The following MFSD8 variants were observed in gnomAD, a reference collection of about 807,000 sequenced individuals.
MFSD8 encodes major facilitator superfamily domain containing 8.
A neutral mutation model predicts 66.4 loss-of-function variants in MFSD8; 55 were observed. The observed-to-expected ratio is 0.83, with a 90% CI of 0.67 to 1.04. The LOEUF is 1.04. MFSD8 is among the 50% of genes least tolerant of loss of function. MFSD8 has a pLI of 0.00. For missense variants in MFSD8, 550 were observed against 627.6 expected (o/e 0.88, Z 1.32); for synonymous variants, 202 against 212.8 (o/e 0.95, Z 0.44).
intron 3 of MFSD8, among the ~76,000 whole-genome samples, chr4:127,948,327 G>A (rs553256156): frequency 2.0e-5 from 3 of 152,236 alleles, no homozygotes; most frequent in South Asian, 4.1e-4. Flanking sequence ...GTAATTAGCA[G>A]CTTCCTGATA....
intron 7 of MFSD8, among the ~76,000 whole-genome samples, chr4:127,936,534 T>C (rs1217915661): frequency 6.6e-6 from 1 of 152,058 alleles, no homozygotes; most frequent in Admixed American, 6.6e-5. Context: ...AAGGCCAGCC[T>C]GGACAATATG....
At chr4:127,964,784 G>C in intron 1 of MFSD8, 1 of 558,194 alleles carries the variant, frequency 1.8e-6, no homozygotes, top group Admixed American at 3.1e-5. Flanking sequence ...AGGACTGCCA[G>C]CACGCTGTCA....
intron 1 of MFSD8, 81 bp downstream of exon 1, chr4:127,964,991 C>G (rs1034475200): frequency 6.6e-7 from 1 of 1,526,632 alleles, no homozygotes; most frequent in African/African-American, 1.4e-5. Flanking sequence ...GAGGGTTTGT[C>G]CCAGTGCGGG....
intron 3 of MFSD8, chr4:127,945,623 G>GTAAT (rs1383417073): frequency 6.6e-6 from 1 of 151,950 alleles, no homozygotes; most frequent in East Asian, 1.9e-4. Flanking sequence ...ACCGTGCCTG[G>GTAAT]TAATTCCCTA....
chr4:127,950,141 T>G (rs1032542691), intron 2 of MFSD8, among the ~76,000 whole-genome samples: 2 of 152,208 alleles, frequency 1.3e-5, no homozygotes, highest in Non-Finnish European at 2.9e-5. Context: ...TTTGTTAAGT[T>G]TTTATAGCAG....
intron 9 of MFSD8, among the ~76,000 whole-genome samples, chr4:127,926,178 T>C (rs1049556587): frequency 1.3e-5 from 2 of 150,524 alleles, no homozygotes; most frequent in Admixed American, 6.7e-5. Context: ...AGTACATTTA[T>C]ACCTATGTAA....
rs1309907092 is a variant in MFSD8 at position 127,965,145 on chromosome 4, C to T, written c.-12G>A. 1.2e-6 allele frequency: 2 copies of T among 1,613,902 alleles called. No homozygotes were observed. Among genetic ancestry groups the T allele is most frequent in the Admixed American group, 3.3e-5 (2 of 60,006 alleles). On this transcript the variant is annotated 5_prime_UTR_variant, in exon 1 of 12. Transcript: ENST00000641686. ...CGCAGGCCGGCCATAGTTACACTCC[C>T]TACAAGGCGTCTTGCGCCCAACTCT...
chr4:127,935,042 T>A (rs1174527702), intron 7 of MFSD8, among the ~76,000 whole-genome samples: 1 of 152,144 alleles, frequency 6.6e-6, no homozygotes, highest in Non-Finnish European at 1.5e-5. Context: ...AAGGAGTTCC[T>A]CCTCCAACAA....
rs112679959 is a variant in MFSD8, at chr4:127,923,374, A to T, written c.999-1411T>A. Among the ~76,000 whole-genome samples the T allele has an allele frequency of 5.5e-3, 834 of 152,126 alleles. 13 individuals are homozygous for T. Among genetic ancestry groups the T allele is most frequent in the African/African-American group, 0.019 (790 of 41,528 alleles). On this transcript the variant is annotated intron_variant, in intron 9 of 11. Coordinates refer to ENST00000641686, the MANE Select transcript of MFSD8 (RefSeq NM_001371596.2). Reference sequence around the variant, plus strand: ...TTTATCAAAGGCCTTTTCTGCATATATTGAGATAATCATGTGGTTTTTGTC... The same window carrying T: ...TTTATCAAAGGCCTTTTCTGCATATTTTGAGATAATCATGTGGTTTTTGTC...
intron 4 of MFSD8, 38 bp from the exon 5 acceptor site, chr4:127,942,196 G>T: frequency 2.7e-6 from 4 of 1,472,964 alleles, no homozygotes; most frequent in Non-Finnish European, 3.8e-6. Context: ...GTAAAAGAAA[G>T]TATCATTCAG....
At chr4:127,934,091 G>GA (rs1738624318) in intron 7 of MFSD8, among the ~76,000 whole-genome samples, 1 of 151,884 alleles carries the variant, frequency 6.6e-6, no homozygotes, top group African/African-American at 2.4e-5. Context: ...ATACAAAAAA[G>GA]AATTAGCCGG....
intron 2 of MFSD8, among the ~76,000 whole-genome samples, chr4:127,954,897 A>G (rs1742596828): frequency 6.6e-6 from 1 of 152,212 alleles, no homozygotes; most frequent in Non-Finnish European, 1.5e-5. Flanking sequence ...GTTCAACATC[A>G]CTAATCATTA....
chr4:127,964,012 G>C (rs1443226149), intron 1 of MFSD8, among the ~76,000 whole-genome samples: 3 of 152,140 alleles, frequency 2.0e-5, no homozygotes, highest in Non-Finnish European at 4.4e-5. Context: ...ACAGAGTGTC[G>C]ACTGGTGCAT....
chr4:127,938,924 TCA>T, intron 6 of MFSD8, 86 bp from the exon 7 acceptor site: 2 of 1,064,564 alleles, frequency 1.9e-6, no homozygotes, highest in South Asian at 1.4e-5. Context: ...GTATTTTTTT[TCA>T]CATTCTAATA....
rs749791052 is a variant in MFSD8, at chr4:127,921,905, T to A, written c.1057A>T (p.Ile353Phe). ...GLIVVWVGFF[I>F]LLPWGNQFPK... ...AATTGATTTCCCCAAGGTAACAAGA[T>A]AAAGAAGCCAACCCATACAACGATG... Residue 353 changes from isoleucine (I) to phenylalanine (F), a missense_variant, in exon 10 of 12, where the codon ATC (isoleucine) becomes TTC (phenylalanine). Coordinates refer to ENST00000641686, the MANE Select transcript of MFSD8 (RefSeq NM_001371596.2). The A allele has an allele frequency of 3.7e-6, 6 of 1,614,006 alleles. No homozygotes were observed. The highest frequency in any genetic ancestry group is 1.6e-4 in the Middle Eastern group (1 of 6,084).
At chr4:127,944,443 GAAGAT>G (rs1280356948) in intron 3 of MFSD8, among the ~76,000 whole-genome samples, 3 of 151,968 alleles carry the variant, frequency 2.0e-5, no homozygotes, top group Non-Finnish European at 4.4e-5. Flanking sequence ...AATGCATAAA[GAAGAT>G]AATAAAAACA....
At chr4:127,930,894 T>TGATACGGCTACC in intron 8 of MFSD8, 77 bp from the exon 9 acceptor site, 2 of 1,304,640 alleles carry the variant, frequency 1.5e-6, no homozygotes, top group South Asian at 1.5e-5. Context: ...TAAGTTTTAA[T>TGATACGGCTACC]AACGACATCT....
chr4:127,958,604 C>T (rs1052952702), intron 1 of MFSD8, among the ~76,000 whole-genome samples: 1 of 151,664 alleles, frequency 6.6e-6, no homozygotes, highest in African/African-American at 2.4e-5. Context: ...TCCATATAAA[C>T]AAACCTCTTC....
At chr4:127,948,981 GAAGT>G (rs1741513824) in intron 3 of MFSD8, among the ~76,000 whole-genome samples, 6 of 152,282 alleles carry the variant, frequency 3.9e-5, no homozygotes, top group Admixed American at 2.0e-4. Context: ...GTGGTTTCAG[GAAGT>G]AAGGAGAGGA....
Sources: allele counts gnomAD v4.1 joint callset (sites outside exome capture counted in the v4.1 genomes callset), GRCh38; gene constraint gnomAD v4.1.1; transcripts MANE v1.5; gene names NCBI Gene and HGNC (gene_info 2026-07-23, HGNC 2026-07-21).